Variants in SLC24A3 observed in about 807,000 individuals in gnomAD.
The protein encoded by SLC24A3 is solute carrier family 24 member 3, also known as sodium/potassium/calcium exchanger 3.
A neutral mutation model predicts 75.8 loss-of-function variants in SLC24A3; 28 were observed. The ratio of observed to expected loss-of-function variants is 0.37; its 90% CI spans 0.27 to 0.51. SLC24A3 has a LOEUF of 0.51. SLC24A3 is among the 20% of genes least tolerant of loss of function. The probability of loss-of-function intolerance (pLI) is 0.94; values close to 1 mark genes in which losing one functional copy is unlikely to be tolerated. For missense variants in SLC24A3, 663 were observed against 847.8 expected (o/e 0.78, Z 2.71); for synonymous variants, 372 against 334.1 (o/e 1.11, Z -1.24).
chr20:19,716,168 C>T (rs1347483536), intron 15 of SLC24A3, among the ~76,000 whole-genome samples: 1 of 152,118 alleles, frequency 6.6e-6, no homozygotes, highest in African/African-American at 2.4e-5. Flanking sequence ...AGAGCTGCTG[C>T]CGCTGCTGGC....
intron 6 of SLC24A3, among the ~76,000 whole-genome samples, chr20:19,623,745 C>T (rs1232220708): frequency 6.6e-6 from 1 of 152,170 alleles, no homozygotes; most frequent in Non-Finnish European, 1.5e-5. Context: ...TAATCACATA[C>T]ATTGTCTTAA....
chr20:19,587,426 C>G (rs1484427138), intron 6 of SLC24A3, among the ~76,000 whole-genome samples: 1 of 152,194 alleles, frequency 6.6e-6, no homozygotes, highest in Non-Finnish European at 1.5e-5. Context: ...TTGACTCACC[C>G]CAGAAGGTCT....
chr20:19,292,194 T>TA, intron 2 of SLC24A3, among the ~76,000 whole-genome samples: 1 of 152,268 alleles, frequency 6.6e-6, no homozygotes, highest in African/African-American at 2.4e-5. Context: ...GTCAAGTCTT[T>TA]AACACACAGC....
chr20:19,215,539 A>C (rs951921598), intron 1 of SLC24A3, among the ~76,000 whole-genome samples: 1 of 152,050 alleles, frequency 6.6e-6, no homozygotes, highest in Non-Finnish European at 1.5e-5. Flanking sequence ...ACTTCTCAGA[A>C]GCTCGTTTTC....
At chr20:19,614,999 A>G (rs1226195510) in intron 6 of SLC24A3, among the ~76,000 whole-genome samples, 1 of 152,200 alleles carries the variant, frequency 6.6e-6, no homozygotes, top group Non-Finnish European at 1.5e-5. Context: ...TAAAGCCGTA[A>G]TCTTTTAAGC....
At chr20:19,443,043 A>C (rs1381924094) in intron 2 of SLC24A3, among the ~76,000 whole-genome samples, 2 of 152,176 alleles carry the variant, frequency 1.3e-5, no homozygotes, top group Non-Finnish European at 2.9e-5. Context: ...GTGTTCCATT[A>C]GTCTGTCTTT....
chr20:19,324,266 T>A (rs1336103818), intron 2 of SLC24A3, among the ~76,000 whole-genome samples: 1 of 152,186 alleles, frequency 6.6e-6, no homozygotes, highest in East Asian at 1.9e-4. Flanking sequence ...CTTCCCCTCA[T>A]TAGAGAAGGG....
At chr20:19,474,132 C>T (rs1600244287) in intron 2 of SLC24A3, among the ~76,000 whole-genome samples, 1 of 152,198 alleles carries the variant, frequency 6.6e-6, no homozygotes, top group Non-Finnish European at 1.5e-5. Flanking sequence ...TCTAGCTTTT[C>T]TTTTGAAGTC....
At chr20:19,242,686 A>G (rs981230160) in intron 1 of SLC24A3, 1 of 152,212 alleles carries the variant, frequency 6.6e-6, no homozygotes, top group Non-Finnish European at 1.5e-5. Flanking sequence ...AACTGGTAAG[A>G]TGTTATAGAC....
intron 6 of SLC24A3, among the ~76,000 whole-genome samples, chr20:19,630,878 A>G (rs952264129): frequency 1.3e-5 from 2 of 152,182 alleles, no homozygotes; most frequent in Admixed American, 6.5e-5. Context: ...TGCTCTGAAA[A>G]CAGCCTCTTG....
chr20:19,219,096 G>T (rs2122129193), intron 1 of SLC24A3, among the ~76,000 whole-genome samples: 1 of 152,272 alleles, frequency 6.6e-6, no homozygotes, highest in South Asian at 2.1e-4. Flanking sequence ...TTGAGAATGT[G>T]AAGTATTAAG....
At chr20:19,434,568 A>G (rs555507190) in intron 2 of SLC24A3, among the ~76,000 whole-genome samples, 2 of 152,122 alleles carry the variant, frequency 1.3e-5, no homozygotes, top group Non-Finnish European at 2.9e-5. Context: ...AGAATTTGTC[A>G]TTTTTGCTCA....
chr20:19,333,622 A>AGTGTGTGT (rs11471787), intron 2 of SLC24A3, among the ~76,000 whole-genome samples: 2 of 149,662 alleles, frequency 1.3e-5, no homozygotes, highest in African/African-American at 4.9e-5. Context: ...CAGTCTTGCT[A>AGTGTGTGT]GTGTGTGTGT....
chr20:19,636,139 CAAAA>C (rs1427637428), intron 6 of SLC24A3, among the ~76,000 whole-genome samples: 5 of 130,592 alleles, frequency 3.8e-5, no homozygotes, highest in African/African-American at 1.9e-4. Context: ...GACTCCATCT[CAAAA>C]AAAGAAAGAA....
intron 2 of SLC24A3, among the ~76,000 whole-genome samples, chr20:19,413,392 A>C (rs539153789): frequency 9.2e-5 from 14 of 152,328 alleles, no homozygotes; most frequent in African/African-American, 3.4e-4. Context: ...GACAGTGGAA[A>C]AGAGCAGAGG....
At chr20:19,459,562 G>A (rs1987635713) in intron 2 of SLC24A3, among the ~76,000 whole-genome samples, 1 of 152,174 alleles carries the variant, frequency 6.6e-6, no homozygotes. Context: ...AGACTGTATT[G>A]ACATACTGCA....
intron 2 of SLC24A3, among the ~76,000 whole-genome samples, chr20:19,452,505 C>A (rs1276183628): frequency 6.6e-6 from 1 of 150,830 alleles, no homozygotes; most frequent in Non-Finnish European, 1.5e-5. Flanking sequence ...CACTGGGACC[C>A]TTAACTGGGA....
intron 10 of SLC24A3, among the ~76,000 whole-genome samples, 173 bp downstream of exon 10, chr20:19,682,164 A>C (rs1260087947): frequency 6.6e-6 from 1 of 152,210 alleles, no homozygotes; most frequent in African/African-American, 2.4e-5. Context: ...CCGAGGCATG[A>C]GAATCGCTTG....
rs150393869 is a variant in SLC24A3, at chr20:19,704,189, A to ATG, written c.1719+5509_1719+5510insTG. 3.8e-3 allele frequency among the ~76,000 whole-genome samples: 581 copies of ATG among 151,138 alleles called. 5 individuals are homozygous for ATG. The highest frequency in any genetic ancestry group is 0.013 in the African/African-American group (552 of 41,130). On this transcript the variant is annotated intron_variant, in intron 15 of 16. Transcript: ENST00000328041. ...TGGAGAGATGGATGGATGGATGGAG[A>ATG]GATGGATGGATGGATAGATGGATGG...
Sources: gnomAD v4.1 joint callset for allele counts (sites outside exome capture counted in the v4.1 genomes callset) on GRCh38, gnomAD v4.1.1 for gene constraint, MANE v1.5 for transcripts, NCBI Gene and HGNC (gene_info 2026-07-23, HGNC 2026-07-21) for gene names.